The following CYP39A1 variants were observed in gnomAD, a reference collection of about 807,000 sequenced individuals.
CYP39A1 encodes cytochrome P450 family 39 subfamily A member 1.
CYP39A1 carries 49 observed loss-of-function variants against 58.1 expected under a neutral mutation model. That is an observed-to-expected ratio of 0.84 (90% confidence interval 0.67 to 1.07). CYP39A1 has a LOEUF of 1.07. Among genes scored for constraint, CYP39A1 ranks in the 50% least tolerant of loss-of-function variants. The pLI is 0.00. For synonymous variants in CYP39A1, 209 were observed against 187.6 expected, an observed-to-expected ratio of 1.11 and a Z score of -0.93; for missense variants, 531 against 539.4, an observed-to-expected ratio of 0.98 and a Z score of 0.16.
chr6:46,587,027 C>A, intron 10 of CYP39A1, 50 bp downstream of exon 10: 1 of 1,336,856 alleles, frequency 7.5e-7, no homozygotes, highest in Non-Finnish European at 1.1e-6. Flanking sequence ...TCTGAGCCAT[C>A]ATCTTTCTGC....
At chr6:46,568,321 T>C (rs1358299621) in intron 10 of CYP39A1, among the ~76,000 whole-genome samples, 4 of 152,152 alleles carry the variant, frequency 2.6e-5, no homozygotes, top group Admixed American at 6.6e-5. Flanking sequence ...GATATGTAAT[T>C]TGCAAATATT....
intron 10 of CYP39A1, chr6:46,586,570 G>A: frequency 2.0e-6 from 2 of 986,214 alleles, no homozygotes. Context: ...TCACACTGAG[G>A]AGGAGGGCTG....
intron 10 of CYP39A1, among the ~76,000 whole-genome samples, chr6:46,576,808 T>C (rs1771871261): frequency 6.6e-6 from 1 of 152,118 alleles, no homozygotes. Flanking sequence ...AAATAATTTA[T>C]AAAAATGAAC....
intron 8 of CYP39A1, among the ~76,000 whole-genome samples, chr6:46,589,592 C>G (rs777590608): frequency 6.6e-6 from 1 of 152,006 alleles, no homozygotes; most frequent in Non-Finnish European, 1.5e-5. Context: ...AATTTCAGAA[C>G]TGGGAGAGCT....
At position 46,578,669 on chromosome 6, in the gene CYP39A1, T is replaced by G. The variant is rs187033525; in HGVS notation, c.1250+8408A>C. The stretch of plus-strand genomic sequence containing the variant: ...TCAGAGAGTATTATGAACACATCTA[T>G]GCACACAAACTTGGAAACCTAGAAT... On this transcript the variant is annotated intron_variant, in intron 10 of 11. Coordinates refer to ENST00000275016, the MANE Select transcript of CYP39A1 (RefSeq NM_016593.5). 3.9e-5 allele frequency among the ~76,000 whole-genome samples: 6 copies of G among 152,152 alleles called. No individual in the cohort carries two copies. The East Asian group carries it at 1.2e-3, about 29-fold the overall frequency.
At chr6:46,593,204 A>T (rs1162331170) in intron 8 of CYP39A1, among the ~76,000 whole-genome samples, 1 of 152,156 alleles carries the variant, frequency 6.6e-6, no homozygotes, top group Admixed American at 6.5e-5. Flanking sequence ...TAGTACATTT[A>T]AGAGGTTGTG....
intron 10 of CYP39A1, among the ~76,000 whole-genome samples, chr6:46,571,494 T>G (rs1347706042): frequency 6.6e-6 from 1 of 152,182 alleles, no homozygotes. Flanking sequence ...TTGTCTTATT[T>G]TACAGTTTCT....
At position 46,639,450 on chromosome 6, in the gene CYP39A1, T is replaced by C. The variant is rs890218318; in HGVS notation, c.488+44A>G. 5.0e-6 allele frequency: 8 copies of C among 1,586,064 alleles called. No homozygotes were observed. The African/African-American group carries it at 9.6e-5, about 19-fold the overall frequency. On this transcript the variant is annotated intron_variant, in intron 3 of 11. Transcript: ENST00000275016. ...ATCTATAGGTTTCAATTTTTTTATT[T>C]AAAACAAAAAGCAAGACTAAATCAT...
intron 7 of CYP39A1, among the ~76,000 whole-genome samples, chr6:46,616,565 G>A (rs948021240): frequency 1.3e-5 from 2 of 151,892 alleles, no homozygotes; most frequent in Non-Finnish European, 2.9e-5. Context: ...TACTTTTAGA[G>A]TTTACTTATG....
At position 46,607,769 on chromosome 6, in the gene CYP39A1, GA is replaced by G. The variant is rs545273679; in HGVS notation, c.932-11650del. Among the ~76,000 whole-genome samples the G allele has an allele frequency of 3.1e-3, 471 of 152,028 alleles. 1 individual carries two copies. Among genetic ancestry groups the G allele is most frequent in the Non-Finnish European group, 5.7e-3 (388 of 67,960 alleles). On this transcript the variant is annotated intron_variant, in intron 7 of 11. Coordinates refer to ENST00000275016, the MANE Select transcript of CYP39A1 (RefSeq NM_016593.5). Reference sequence around the variant, plus strand: ...AGAATGAAAATCAGAATGAAAAGATGAAAAAAATGCAAATAATAAAATCCTT... The same window carrying G: ...AGAATGAAAATCAGAATGAAAAGATGAAAAAATGCAAATAATAAAATCCTT...
At chr6:46,626,642 G>A in intron 6 of CYP39A1, among the ~76,000 whole-genome samples, 1 of 152,082 alleles carries the variant, frequency 6.6e-6, no homozygotes, top group East Asian at 1.9e-4. Flanking sequence ...GGAACCAAGG[G>A]TCCTCAATTT....
At chr6:46,605,489 A>G (rs1169421726) in intron 7 of CYP39A1, among the ~76,000 whole-genome samples, 2 of 152,202 alleles carry the variant, frequency 1.3e-5, no homozygotes, top group Admixed American at 6.5e-5. Context: ...ATCAGCTAAC[A>G]TTAACTTAAC....
At chr6:46,605,717 C>T (rs988619865) in intron 7 of CYP39A1, among the ~76,000 whole-genome samples, 4 of 152,164 alleles carry the variant, frequency 2.6e-5, no homozygotes, top group African/African-American at 9.7e-5. Context: ...GGGGTCCAAA[C>T]AATTTACCTT....
chr6:46,551,590 T>C (rs1203320456), intron 11 of CYP39A1, among the ~76,000 whole-genome samples: 1 of 152,222 alleles, frequency 6.6e-6, no homozygotes, highest in African/African-American at 2.4e-5. Flanking sequence ...AACACTACAT[T>C]ATTTAAGGCC....
In CYP39A1 at chr6:46,598,316, A is replaced by G. The variant is rs138773986; in HGVS notation, c.932-2196T>C. 8.3e-4 allele frequency among the ~76,000 whole-genome samples: 127 copies of G among 152,326 alleles called. 1 individual carries two copies. Among genetic ancestry groups the G allele is most frequent in the African/African-American group, 2.9e-3 (122 of 41,584 alleles). ...AGCTACATAAAAGATAACTAGCTATATAAATTAGGATACAGATTATTTCCA... is the reference window on the plus strand; with the variant it reads ...AGCTACATAAAAGATAACTAGCTATGTAAATTAGGATACAGATTATTTCCA... On this transcript the variant is annotated intron_variant, in intron 7 of 11. Transcript: ENST00000275016.
At chr6:46,580,899 T>C (rs1402240239) in intron 10 of CYP39A1, among the ~76,000 whole-genome samples, 1 of 152,198 alleles carries the variant, frequency 6.6e-6, no homozygotes, top group African/African-American at 2.4e-5. Context: ...ACATTGCTGA[T>C]GAGAATGTAA....
chr6:46,566,394 T>C (rs575171057), intron 10 of CYP39A1, among the ~76,000 whole-genome samples: 1 of 152,268 alleles, frequency 6.6e-6, no homozygotes, highest in South Asian at 2.1e-4. Flanking sequence ...CTTACAATCA[T>C]GGTAGAAGGT....
chr6:46,625,560 A>C, intron 6 of CYP39A1, 52 bp from the exon 7 acceptor site: 1 of 1,385,540 alleles, frequency 7.2e-7, no homozygotes, highest in Non-Finnish European at 1.0e-6. Flanking sequence ...AAGGTGAACA[A>C]AAGCATATTT....
intron 7 of CYP39A1, among the ~76,000 whole-genome samples, chr6:46,612,427 G>T (rs1193255787): frequency 2.6e-5 from 4 of 152,204 alleles, no homozygotes; most frequent in Non-Finnish European, 5.9e-5. Flanking sequence ...TATATTTGGG[G>T]TAGAAAGAAT....
Sources: gnomAD v4.1 joint callset for allele counts (sites outside exome capture counted in the v4.1 genomes callset) on GRCh38, gnomAD v4.1.1 for gene constraint, MANE v1.5 for transcripts, NCBI Gene and HGNC (gene_info 2026-07-23, HGNC 2026-07-21) for gene names.